TSHZ3: variants seen among roughly 807,000 people sequenced by gnomAD.
The protein encoded by TSHZ3 is teashirt homolog 3.
Under a neutral mutation model 64.5 loss-of-function variants are expected in TSHZ3, and 10 were observed. That is an observed-to-expected ratio of 0.16 (90% CI 0.10 to 0.26). The LOEUF (loss-of-function observed/expected upper bound fraction) is 0.26. Ranked by LOEUF, TSHZ3 falls within the 10% of genes least tolerant of loss-of-function variation. The pLI is 1.00. For synonymous variants in TSHZ3, 608 were observed against 593.1 expected (o/e 1.03, Z -0.36); for missense variants, 1,242 against 1,421.7 (o/e 0.87, Z 2.03).
At chr19:31,163,351 T>A (rs1433901051) in intron 5 of TSHZ3, among the ~76,000 whole-genome samples, 1 of 152,152 alleles carries the variant, frequency 6.6e-6, no homozygotes, top group Non-Finnish European at 1.5e-5. Context: ...ATGCCAATTT[T>A]TAGAACTCAG....
intron 5 of TSHZ3, among the ~76,000 whole-genome samples, chr19:31,174,658 A>T (rs1299561111): frequency 6.6e-6 from 1 of 152,148 alleles, no homozygotes; most frequent in Non-Finnish European, 1.5e-5. Flanking sequence ...CACATCCACC[A>T]GCTGTTTCTT....
At chr19:31,328,990 A>G (rs1917001149) in intron 1 of TSHZ3, among the ~76,000 whole-genome samples, 1 of 152,176 alleles carries the variant, frequency 6.6e-6, no homozygotes. Flanking sequence ...AACTTCCTGT[A>G]CAGGGGCCGT....
At position 31,278,113 on chromosome 19, in the gene TSHZ3, C is replaced by G. The variant is rs375549056; in HGVS notation, c.1680G>C (p.Met560Ile). ...TCCCCGACGAGCCCAGGGACAACTT[C>G]ATCATGTTGGGAAGTTGGTAGGCGG... The part of the protein sequence containing the change: ...IHAAYQLPNM[M>I]KLSLGSSGKS... The change falls in exon 2 of 2, where the codon ATG becomes ATC. Residue 560 changes from methionine to isoleucine, a missense_variant. Coordinates refer to ENST00000240587, the MANE Select transcript of TSHZ3 (RefSeq NM_020856.4). The surrounding 1 kb of genome is among the most constrained non-coding windows in gnomAD (Gnocchi z 4.7). 1.2e-6 allele frequency: 2 copies of G among 1,613,942 alleles called. No homozygotes were observed. The highest frequency in any genetic ancestry group is 2.7e-5 in the African/African-American group (2 of 75,036).
At chr19:31,243,780 C>G (rs1055016959) in intron 1 of TSHZ3, among the ~76,000 whole-genome samples, 3 of 152,116 alleles carry the variant, frequency 2.0e-5, no homozygotes, top group Admixed American at 6.6e-5. Flanking sequence ...TCTCTGTGAC[C>G]TTAGGAAGCT....
In TSHZ3 at chr19:31,275,459, T is replaced by G. The variant is rs1026340021; in HGVS notation, c.*1088A>C. ...TTTTTTTTTGTTCTTTTTTTTAACC[T>G]TTTCAAATAGACTTAACCCTTTGAG... is the stretch of plus-strand genomic sequence containing the variant. On this transcript the variant is annotated 3_prime_UTR_variant, in exon 2 of 2. Coordinates refer to ENST00000240587, the MANE Select transcript of TSHZ3 (RefSeq NM_020856.4). 1.3e-5 allele frequency: 2 copies of G among 152,440 alleles called. No homozygotes were observed. Among genetic ancestry groups the G allele is most frequent in the East Asian group, 3.9e-4 (2 of 5,160 alleles). The allele number at this position is 152,440 out of a possible 1,614,324, so 9.4% of individuals were successfully genotyped here.
chr19:31,209,629 CG>C (rs1163243022), intron 4 of TSHZ3, among the ~76,000 whole-genome samples: 2 of 152,112 alleles, frequency 1.3e-5, no homozygotes, highest in African/African-American at 4.8e-5. Context: ...CGTTGTTAAG[CG>C]TTTGGTCATG....
chr19:31,332,797 A>AAAAAC lies in TSHZ3; in HGVS notation c.40+16378_40+16382dup, dbSNP rs545273191. On this transcript the variant is annotated intron_variant, in intron 1 of 1. Transcript: ENST00000240587. ...TCTCATAGGAATAAAGGCAAAAAAC[A>AAAAAC]AAAACAAAACAAAACAAAACAGGGG... Among the ~76,000 whole-genome samples the AAAAAC allele has an allele frequency of 1.5e-3, 235 of 152,198 alleles. 6 individuals carry two copies. The South Asian group carries it at 0.046, about 30-fold the overall frequency.
At chr19:31,271,741 T>G (rs1976142402), downstream of TSHZ3, among the ~76,000 whole-genome samples, 1 of 152,164 alleles carries the variant, frequency 6.6e-6, no homozygotes, top group Non-Finnish European at 1.5e-5. Flanking sequence ...CAGGCTGCCT[T>G]TGCCAAAGAT....
At chr19:31,304,973 G>GT (rs1976816233) in intron 1 of TSHZ3, among the ~76,000 whole-genome samples, 1 of 152,202 alleles carries the variant, frequency 6.6e-6, no homozygotes, top group South Asian at 2.1e-4. Flanking sequence ...ACTGTGATCA[G>GT]TTGCATAAAT....
chr19:31,220,150 G>T (rs763901166), intron 4 of TSHZ3, among the ~76,000 whole-genome samples: 3 of 152,142 alleles, frequency 2.0e-5, no homozygotes, highest in Non-Finnish European at 4.4e-5. Flanking sequence ...AGATTTAAGA[G>T]GAACTATAAC....
intron 1 of TSHZ3, among the ~76,000 whole-genome samples, chr19:31,343,745 A>G (rs1599661819): frequency 6.6e-6 from 1 of 151,656 alleles, no homozygotes; most frequent in African/African-American, 2.4e-5. Context: ...AAAGCTACCA[A>G]GTCTATGTCT....
At chr19:31,270,047 G>A (rs974125892), downstream of TSHZ3, among the ~76,000 whole-genome samples, 1 of 152,214 alleles carries the variant, frequency 6.6e-6, no homozygotes, top group African/African-American at 2.4e-5. Flanking sequence ...CAGATCTGTG[G>A]GCTTTGGAGT....
At chr19:31,294,559 C>A (rs1185419248) in intron 1 of TSHZ3, among the ~76,000 whole-genome samples, 1 of 152,160 alleles carries the variant, frequency 6.6e-6, no homozygotes, top group Non-Finnish European at 1.5e-5. Context: ...ATCATTCTAG[C>A]CTGCTTGAAG....
At chr19:31,303,337 C>A (rs1160247163) in intron 1 of TSHZ3, among the ~76,000 whole-genome samples, 1 of 152,196 alleles carries the variant, frequency 6.6e-6, no homozygotes, top group Non-Finnish European at 1.5e-5. Flanking sequence ...GTCTGCACTG[C>A]GACATTGGTC....
intron 1 of TSHZ3, among the ~76,000 whole-genome samples, chr19:31,280,808 G>A (rs1378988676): frequency 8.5e-5 from 13 of 152,360 alleles, no homozygotes; most frequent in Admixed American, 8.5e-4. Context: ...CACGTCCAGA[G>A]ACACAGAGCC....
At chr19:31,179,783 T>A (rs1446160717) in intron 5 of TSHZ3, among the ~76,000 whole-genome samples, 33 of 150,340 alleles carry the variant, frequency 2.2e-4, no homozygotes, top group African/African-American at 7.6e-4. Context: ...ATGATAATGG[T>A]GGTGATGGTG....
At chr19:31,250,065 C>A (rs1975816703) in intron 1 of TSHZ3, among the ~76,000 whole-genome samples, 1 of 152,230 alleles carries the variant, frequency 6.6e-6, no homozygotes, top group Admixed American at 6.5e-5. Flanking sequence ...AGGCACACAG[C>A]ACATGCCCGG....
chr19:31,180,598 G>C (rs1297933005), intron 5 of TSHZ3, among the ~76,000 whole-genome samples: 2 of 152,192 alleles, frequency 1.3e-5, no homozygotes, highest in Non-Finnish European at 2.9e-5. Context: ...TGGGATTGTT[G>C]TGTTAATAAG....
Position 31,224,757 on chromosome 19 carries a change from A to G in TSHZ3, n.686+3248T>C, listed in dbSNP as rs559718587. On this transcript the variant is annotated intron_variant and non_coding_transcript_variant, in intron 4 of 6. Transcript: ENST00000651361. ...GTTGGTGCTAGAAAAAATTAAAAACAATAAAACAAGGGGAATCCACCAAAA... is the reference window on the plus strand; with the variant it reads ...GTTGGTGCTAGAAAAAATTAAAAACGATAAAACAAGGGGAATCCACCAAAA... Among the ~76,000 whole-genome samples, 11 of 152,348 alleles carry G rather than the reference A, an allele frequency of 7.2e-5. 1 individual carries two copies. The highest frequency in any genetic ancestry group is 2.6e-4 in the African/African-American group (11 of 41,582).
Sources: allele counts gnomAD v4.1 joint callset (sites outside exome capture counted in the v4.1 genomes callset), GRCh38; gene constraint gnomAD v4.1.1; non-coding constraint Gnocchi (gnomAD v3.1); transcripts MANE v1.5; gene names NCBI Gene and HGNC (gene_info 2026-07-23, HGNC 2026-07-21).